Variants in ETV6 observed in about 807,000 individuals in gnomAD.
ETV6 encodes the protein ETS variant transcription factor 6.
A neutral mutation model predicts 51.1 loss-of-function variants in ETV6; 16 were observed. That is an observed-to-expected ratio of 0.31 (90% CI 0.21 to 0.48). The LOEUF (loss-of-function observed/expected upper bound fraction) is 0.48, where lower values mean the gene tolerates loss of function less well. ETV6 is among the 20% of genes least tolerant of loss of function. The pLI is 0.99. For missense variants in ETV6, 458 were observed against 594.8 expected, an observed-to-expected ratio of 0.77 and a Z score of 2.39; for synonymous variants, 240 against 224.1, an observed-to-expected ratio of 1.07 and a Z score of -0.64.
chr12:11,888,569 A>G (rs1947239576), intron 7 of ETV6, among the ~76,000 whole-genome samples: 1 of 151,716 alleles, frequency 6.6e-6, no homozygotes, highest in African/African-American at 2.4e-5. Context: ...CACCTGACTA[A>G]TTTTTGTATT....
chr12:11,859,867 A>G (rs2855706), intron 4 of ETV6, among the ~76,000 whole-genome samples: 147,827 of 152,328 alleles, frequency 0.97, 71,896 homozygotes, highest in East Asian at 1. Context: ...TCCTGCTTAC[A>G]TTACTGCCAA....
At chr12:11,757,834 C>T (rs566881211) in intron 2 of ETV6, among the ~76,000 whole-genome samples, 17 of 152,358 alleles carry the variant, frequency 1.1e-4, no homozygotes, top group Admixed American at 5.2e-4. Flanking sequence ...AGCAGACTGG[C>T]TTCTCCCTCG....
chr12:11,777,206 C>G (rs551276209), intron 2 of ETV6, among the ~76,000 whole-genome samples: 92 of 141,306 alleles, frequency 6.5e-4, no homozygotes, highest in South Asian at 5.5e-3. Context: ...CGCCACTGCA[C>G]TCCAGCCTGG....
intron 3 of ETV6, among the ~76,000 whole-genome samples, chr12:11,842,013 C>T (rs1309571301): frequency 6.9e-6 from 1 of 145,336 alleles, no homozygotes; most frequent in Admixed American, 7.0e-5. Flanking sequence ...ACCCGGGAGG[C>T]GGAGCTTGCA....
chr12:11,803,256 T>G (rs1468111386), intron 2 of ETV6, among the ~76,000 whole-genome samples: 1 of 152,172 alleles, frequency 6.6e-6, no homozygotes, highest in Non-Finnish European at 1.5e-5. Context: ...ATATTCCTGG[T>G]CCACATTGCA....
At chr12:11,781,528 A>G (rs1440284753) in intron 2 of ETV6, among the ~76,000 whole-genome samples, 2 of 152,228 alleles carry the variant, frequency 1.3e-5, no homozygotes, top group Non-Finnish European at 2.9e-5. Context: ...CCAAAATGAA[A>G]CAGTTACTTT....
intron 2 of ETV6, among the ~76,000 whole-genome samples, chr12:11,836,098 C>T (rs1946311409): frequency 6.6e-6 from 1 of 152,172 alleles, no homozygotes; most frequent in African/African-American, 2.4e-5. Flanking sequence ...ATTAGAATTG[C>T]CTCCAGGTGC....
At chr12:11,769,617 G>T (rs944571325) in intron 2 of ETV6, among the ~76,000 whole-genome samples, 2 of 152,092 alleles carry the variant, frequency 1.3e-5, no homozygotes, top group African/African-American at 4.8e-5. Context: ...TCTTTCATTG[G>T]CCTATAGCAG....
At position 11,650,379 on chromosome 12, in the gene ETV6, C is replaced by T. The variant is rs193111790; in HGVS notation, c.33+219C>T. Among the ~76,000 whole-genome samples, 217 of 119,326 alleles carry T rather than the reference C, an allele frequency of 1.8e-3. 5 individuals are homozygous for T. In the Admixed American group the frequency reaches 0.019, roughly 11 times the overall value. 78.3% of individuals were successfully genotyped at this position (119,326 alleles called of 152,430 possible). A position where few individuals can be genotyped will look rare whatever the true frequency, so the allele number is the denominator to read the frequency against. On this transcript the variant is annotated intron_variant, in intron 1 of 7. Transcript: ENST00000396373. ...CGCCGAGCCCCTGCCGGCTCCTCGGCCCCCACCCCCTTGCTTTTTGACAAT... is the reference window on the plus strand; with the variant it reads ...CGCCGAGCCCCTGCCGGCTCCTCGGTCCCCACCCCCTTGCTTTTTGACAAT...
chr12:11,882,205 G>A (rs997359912), intron 5 of ETV6, among the ~76,000 whole-genome samples: 2 of 152,194 alleles, frequency 1.3e-5, no homozygotes, highest in African/African-American at 4.8e-5. Flanking sequence ...TTTAATGGTA[G>A]TTCCTTGAAA....
chr12:11,813,590 C>T (rs115146758), intron 2 of ETV6, among the ~76,000 whole-genome samples: 98 of 151,952 alleles, frequency 6.4e-4, no homozygotes, highest in African/African-American at 2.2e-3. Context: ...TGCCTCCCTC[C>T]CTCCCTCCCT....
At chr12:11,680,902 C>G (rs569105841) in intron 1 of ETV6, among the ~76,000 whole-genome samples, 10 of 152,128 alleles carry the variant, frequency 6.6e-5, no homozygotes, top group Non-Finnish European at 1.2e-4. Context: ...TGTGATGCTC[C>G]TTACTTTCTG....
intron 3 of ETV6, among the ~76,000 whole-genome samples, chr12:11,841,661 A>T (rs1165576920): frequency 6.6e-6 from 1 of 152,210 alleles, no homozygotes; most frequent in African/African-American, 2.4e-5. Flanking sequence ...GGTACAGGCT[A>T]AGGGAGTTCA....
chr12:11,702,842 A>C (rs1865009550), intron 1 of ETV6, among the ~76,000 whole-genome samples: 1 of 152,236 alleles, frequency 6.6e-6, no homozygotes, highest in African/African-American at 2.4e-5. Context: ...TACATTTGTC[A>C]TGCCTGTAAT....
At chr12:11,768,077 T>C (rs1255787952) in intron 2 of ETV6, among the ~76,000 whole-genome samples, 1 of 152,184 alleles carries the variant, frequency 6.6e-6, no homozygotes, top group Non-Finnish European at 1.5e-5. Flanking sequence ...CTTGTCCAAA[T>C]TGGCTTCCAT....
intron 4 of ETV6, among the ~76,000 whole-genome samples, chr12:11,860,700 T>C (rs1425138179): frequency 1.3e-5 from 2 of 150,654 alleles, no homozygotes; most frequent in African/African-American, 4.9e-5. Context: ...TTTCCCCCCC[T>C]CTGTTTGTGT....
At chr12:11,668,910 G>A (rs924675809) in intron 1 of ETV6, among the ~76,000 whole-genome samples, 2 of 152,146 alleles carry the variant, frequency 1.3e-5, no homozygotes, top group African/African-American at 2.4e-5. Context: ...AAGATGGGAG[G>A]CAGCTGCCCG....
intron 1 of ETV6, among the ~76,000 whole-genome samples, chr12:11,742,331 T>C (rs1035889179): frequency 9.2e-5 from 14 of 152,180 alleles, no homozygotes; most frequent in Non-Finnish European, 1.5e-5. Flanking sequence ...GAAACAAAAC[T>C]CCCCAGACTT....
intron 7 of ETV6, 88 bp downstream of exon 7, chr12:11,886,114 C>A: frequency 1.1e-6 from 1 of 908,628 alleles, no homozygotes; most frequent in Non-Finnish European, 1.8e-6. Flanking sequence ...GTTAAGATCT[C>A]TACCTGCCTA....
Sources: allele counts gnomAD v4.1 joint callset (sites outside exome capture counted in the v4.1 genomes callset), GRCh38; gene constraint gnomAD v4.1.1; transcripts MANE v1.5; gene names NCBI Gene and HGNC (gene_info 2026-07-23, HGNC 2026-07-21).